CAMK1G: variants seen among roughly 807,000 people sequenced by gnomAD.
CAMK1G encodes calcium/calmodulin dependent protein kinase IG, also known as calcium/calmodulin-dependent protein kinase type 1G.
Under a neutral mutation model 54.8 loss-of-function variants are expected in CAMK1G, and 27 were observed. The observed-to-expected ratio is 0.49, with a 90% confidence interval of 0.36 to 0.68. CAMK1G has a LOEUF of 0.68. Among genes scored for constraint, CAMK1G ranks in the 30% least tolerant of loss-of-function variants. The pLI is 0.00. For synonymous variants in CAMK1G, 238 were observed against 224.9 expected (o/e 1.06, Z -0.52); for missense variants, 512 against 591.0 (o/e 0.87, Z 1.39).
intron 2 of CAMK1G, among the ~76,000 whole-genome samples, chr1:209,597,153 A>T (rs73081606): frequency 0.023 from 3,521 of 152,286 alleles, 140 homozygotes; most frequent in African/African-American, 0.08. Context: ...GAGAGTGGAC[A>T]AGTGTACAAA....
chr1:209,610,089 T>G (rs532267705), intron 9 of CAMK1G, among the ~76,000 whole-genome samples, 160 bp downstream of exon 9: 1 of 152,258 alleles, frequency 6.6e-6, no homozygotes, highest in South Asian at 2.1e-4. Context: ...CAGGTAGAGA[T>G]TCAAACATTA....
chr1:209,592,870 A>C (rs931598793), intron 1 of CAMK1G, among the ~76,000 whole-genome samples: 8 of 152,204 alleles, frequency 5.3e-5, no homozygotes, highest in African/African-American at 1.9e-4. Flanking sequence ...GGTTCCCTCT[A>C]TTCCATGAAA....
At chr1:209,601,532 A>G (rs1665526063) in intron 3 of CAMK1G, among the ~76,000 whole-genome samples, 1 of 152,244 alleles carries the variant, frequency 6.6e-6, no homozygotes, top group Admixed American at 6.5e-5. Flanking sequence ...ACACAGGTCT[A>G]GGATCCAGGG....
At chr1:209,595,804 C>T (rs1665366447) in intron 2 of CAMK1G, among the ~76,000 whole-genome samples, 1 of 152,194 alleles carries the variant, frequency 6.6e-6, no homozygotes, top group Admixed American at 6.5e-5. Flanking sequence ...CTCTGCCAGC[C>T]TGCAGGGTGT....
At chr1:209,609,530 CG>C (rs1441147936) in intron 8 of CAMK1G, among the ~76,000 whole-genome samples, 3 of 152,206 alleles carry the variant, frequency 2.0e-5, no homozygotes, top group African/African-American at 4.8e-5. Context: ...CACTCACATG[CG>C]TGCCCATGTG....
chr1:209,591,809 G>A (rs1309022032), intron 1 of CAMK1G, among the ~76,000 whole-genome samples: 1 of 152,126 alleles, frequency 6.6e-6, no homozygotes, highest in African/African-American at 2.4e-5. Flanking sequence ...CTGGTTCACA[G>A]GGATCATACT....
chr1:209,611,230 T>C (rs1464050456), intron 9 of CAMK1G, among the ~76,000 whole-genome samples: 1 of 152,246 alleles, frequency 6.6e-6, no homozygotes, highest in African/African-American at 2.4e-5. Context: ...ATTTGGCCTA[T>C]AGGCTATAGC....
intron 2 of CAMK1G, 36 bp downstream of exon 2, chr1:209,595,111 C>A: frequency 6.7e-7 from 1 of 1,496,508 alleles, no homozygotes; most frequent in African/African-American, 1.4e-5. Flanking sequence ...GTGGGCTGGG[C>A]TGCCTGCAGT....
intron 1 of CAMK1G, among the ~76,000 whole-genome samples, chr1:209,587,982 G>T (rs1458286101): frequency 6.6e-6 from 1 of 152,188 alleles, no homozygotes; most frequent in Non-Finnish European, 1.5e-5. Context: ...TGCTCCCAAA[G>T]AATGGAAAAT....
chr1:209,612,483 T>C (rs1665807491), intron 11 of CAMK1G, among the ~76,000 whole-genome samples: 1 of 152,194 alleles, frequency 6.6e-6, no homozygotes, highest in Non-Finnish European at 1.5e-5. Context: ...TTAGCCTGCC[T>C]CACAGAGGTA....
At chr1:209,600,425 A>C (rs1418801825) in intron 3 of CAMK1G, among the ~76,000 whole-genome samples, 2 of 152,230 alleles carry the variant, frequency 1.3e-5, no homozygotes, top group Non-Finnish European at 2.9e-5. Context: ...TTAATAATTA[A>C]GGAGGCAGCA....
chr1:209,587,499 A>C (rs1665133801), intron 1 of CAMK1G, among the ~76,000 whole-genome samples: 1 of 152,110 alleles, frequency 6.6e-6, no homozygotes, highest in Non-Finnish European at 1.5e-5. Context: ...GCCTTTAATA[A>C]GCTAATGTGG....
intron 1 of CAMK1G, among the ~76,000 whole-genome samples, chr1:209,594,169 T>A (rs1421046138): frequency 6.6e-6 from 1 of 152,160 alleles, no homozygotes; most frequent in South Asian, 2.1e-4. Context: ...CCCTCCCTGT[T>A]TATCTCTATG....
intron 11 of CAMK1G, 190 bp downstream of exon 11, chr1:209,612,406 T>C (rs1275132615): frequency 1.1e-5 from 7 of 656,308 alleles, no homozygotes; most frequent in Non-Finnish European, 1.8e-5. Flanking sequence ...TGTGAGGCCA[T>C]TGACGAGTCA....
At chr1:209,588,061 G>A (rs564497504) in intron 1 of CAMK1G, among the ~76,000 whole-genome samples, 57 of 152,302 alleles carry the variant, frequency 3.7e-4, no homozygotes, top group African/African-American at 1.3e-3. Context: ...AAAGAGCCAG[G>A]CATGATCCAG....
At chr1:209,600,570 T>G (rs1174201398) in intron 3 of CAMK1G, among the ~76,000 whole-genome samples, 1 of 152,234 alleles carries the variant, frequency 6.6e-6, no homozygotes, top group African/African-American at 2.4e-5. Context: ...TGTGAAACCC[T>G]TATGGTGTAC....
chr1:209,589,143 G>C (rs946046444), intron 1 of CAMK1G, among the ~76,000 whole-genome samples: 1 of 152,160 alleles, frequency 6.6e-6, no homozygotes, highest in Admixed American at 6.5e-5. Flanking sequence ...AGTAAACAGG[G>C]TGCTTTGAGA....
intron 6 of CAMK1G, 92 bp downstream of exon 6, chr1:209,606,535 G>A: frequency 4.2e-6 from 6 of 1,434,752 alleles, no homozygotes; most frequent in South Asian, 1.3e-5. Context: ...GAGAACATAG[G>A]GTTCAACTTC....
chr1:209,600,020 C>T lies in CAMK1G; in HGVS notation c.130C>T (p.Leu44=), dbSNP rs780388287. 23 of 1,613,768 alleles carry T rather than the reference C, an allele frequency of 1.4e-5. No individual in the cohort carries two copies. Among genetic ancestry groups the T allele is most frequent in the Non-Finnish European group, 1.7e-5 (20 of 1,179,852 alleles). The change falls in exon 3 of 13, where the codon CTG becomes TTG. Residue 44 remains leucine, a synonymous_variant. Transcript: ENST00000361322. Reference sequence around the variant, plus strand: ...AGAAGTTTTCCTGGTGAAGCAAAGACTGACTGGGAAGCTCTTTGCTCTGAA... The same window carrying T: ...AGAAGTTTTCCTGGTGAAGCAAAGATTGACTGGGAAGCTCTTTGCTCTGAA... ...FSEVFLVKQR[L]TGKLFALKCI...
Sources: gnomAD v4.1 joint callset for allele counts (sites outside exome capture counted in the v4.1 genomes callset) on GRCh38, gnomAD v4.1.1 for gene constraint, MANE v1.5 for transcripts, NCBI Gene and HGNC (gene_info 2026-07-23, HGNC 2026-07-21) for gene names.